ADK: variants seen among roughly 807,000 people sequenced by gnomAD.
The protein encoded by ADK is N6,N6-dimethyladenosine kinase.
Under a neutral mutation model 44.7 loss-of-function variants are expected in ADK, and 24 were observed. The observed-to-expected ratio is 0.54, with a 90% confidence interval of 0.39 to 0.76. The LOEUF (loss-of-function observed/expected upper bound fraction) is 0.76. Ranked by LOEUF, ADK falls within the 30% of genes least tolerant of loss-of-function variation. The pLI is 0.00. For synonymous variants in ADK, 128 were observed against 142.6 expected (o/e 0.90, Z 0.73); for missense variants, 321 against 425.1 (o/e 0.76, Z 2.15).
At chr10:74,614,722 G>A (rs919283795) in intron 9 of ADK, among the ~76,000 whole-genome samples, 12 of 151,166 alleles carry the variant, frequency 7.9e-5, no homozygotes, top group South Asian at 2.1e-4. Flanking sequence ...CCGGGCTCAC[G>A]TTGTATTTTC....
intron 3 of ADK, among the ~76,000 whole-genome samples, chr10:74,269,697 G>A (rs1352508896): frequency 2.6e-5 from 4 of 152,152 alleles, no homozygotes; most frequent in Non-Finnish European, 5.9e-5. Flanking sequence ...GGAGGCCAAG[G>A]CAGGCAGATC....
chr10:74,706,069 T>A (rs1371043601), intron 10 of ADK, among the ~76,000 whole-genome samples: 1 of 152,134 alleles, frequency 6.6e-6, no homozygotes, highest in Non-Finnish European at 1.5e-5. Flanking sequence ...TGTGGTAACT[T>A]ATACATGTAA....
In ADK at chr10:74,426,428, G is replaced by A. The variant is rs531180547; in HGVS notation, c.555+27849G>A. ...ACAATAGACTACTATGTTTATAAAA[G>A]CTATCTGTTTTTATAAATATATGGA... On this transcript the variant is annotated intron_variant, in intron 6 of 10. Coordinates refer to ENST00000539909, the MANE Select transcript of ADK (RefSeq NM_006721.4). Among the ~76,000 whole-genome samples, 17 of 152,236 alleles carry A rather than the reference G, an allele frequency of 1.1e-4. 1 individual carries two copies. The South Asian group carries it at 3.5e-3, about 32-fold the overall frequency.
intron 4 of ADK, among the ~76,000 whole-genome samples, chr10:74,375,779 G>A (rs1173422069): frequency 6.6e-6 from 1 of 152,144 alleles, no homozygotes; most frequent in Non-Finnish European, 1.5e-5. Context: ...CTTTGTAGTA[G>A]TTGGTGTATG....
chr10:74,260,572 C>T (rs938285931), intron 3 of ADK, among the ~76,000 whole-genome samples: 1 of 152,174 alleles, frequency 6.6e-6, no homozygotes, highest in Non-Finnish European at 1.5e-5. Context: ...TTTCTCAATG[C>T]TTTTGCTCTT....
At chr10:74,211,243 T>G (rs1843801721) in intron 2 of ADK, among the ~76,000 whole-genome samples, 1 of 152,190 alleles carries the variant, frequency 6.6e-6, no homozygotes, top group African/African-American at 2.4e-5. Context: ...TTCAACATTA[T>G]GTTTTGTATA....
chr10:74,328,065 T>C (rs909740579), intron 4 of ADK, among the ~76,000 whole-genome samples: 1 of 152,046 alleles, frequency 6.6e-6, no homozygotes, highest in African/African-American at 2.4e-5. Context: ...TGCACCACCT[T>C]GCTCAGGCAA....
At chr10:74,417,799 C>T (rs1056417662) in intron 6 of ADK, among the ~76,000 whole-genome samples, 1 of 151,256 alleles carries the variant, frequency 6.6e-6, no homozygotes, top group Non-Finnish European at 1.5e-5. Context: ...TTTCCATTCA[C>T]GAGCCCTGAC....
chr10:74,158,090 C>G (rs2132031463), intron 1 of ADK, among the ~76,000 whole-genome samples: 1 of 151,996 alleles, frequency 6.6e-6, no homozygotes, highest in Non-Finnish European at 1.5e-5. Context: ...GATTTTCTTG[C>G]TAATTATATT....
chr10:74,268,610 G>A (rs779824810), intron 3 of ADK, among the ~76,000 whole-genome samples: 27 of 152,082 alleles, frequency 1.8e-4, no homozygotes, highest in Non-Finnish European at 3.1e-4. Context: ...TGTAAGCATG[G>A]TTATTACCCA....
intron 10 of ADK, among the ~76,000 whole-genome samples, chr10:74,694,661 T>G (rs1172644813): frequency 6.6e-6 from 1 of 152,002 alleles, no homozygotes; most frequent in Non-Finnish European, 1.5e-5. Flanking sequence ...TTTCTATTTT[T>G]TGTAGATACA....
chr10:74,627,751 A>G (rs969633767), intron 9 of ADK, among the ~76,000 whole-genome samples: 2 of 151,432 alleles, frequency 1.3e-5, no homozygotes, highest in African/African-American at 4.9e-5. Flanking sequence ...TCCCACCTCA[A>G]CCTCCCCAGA....
intron 6 of ADK, among the ~76,000 whole-genome samples, chr10:74,471,541 T>A (rs1429876349): frequency 6.6e-6 from 1 of 152,140 alleles, no homozygotes; most frequent in Non-Finnish European, 1.5e-5. Context: ...TGCAAAAAAA[T>A]GTCATTGGGA....
In ADK at chr10:74,626,583, A is replaced by G. The variant is rs149435393; in HGVS notation, c.877+26090A>G. ...CTCCCAAAGTGCTGGGATTACAGGC[A>G]TGAGCCACTGCGCCTGGCCCAAGAG... On this transcript the variant is annotated intron_variant, in intron 9 of 10. Coordinates refer to ENST00000539909, the MANE Select transcript of ADK (RefSeq NM_006721.4). 3.0e-3 allele frequency among the ~76,000 whole-genome samples: 451 copies of G among 152,286 alleles called. 4 individuals carry two copies. Among genetic ancestry groups the G allele is most frequent in the East Asian group, 0.018 (95 of 5,182 alleles).
At chr10:74,562,699 A>T (rs185361767) in intron 7 of ADK, among the ~76,000 whole-genome samples, 1 of 152,218 alleles carries the variant, frequency 6.6e-6, no homozygotes, top group Admixed American at 6.5e-5. Flanking sequence ...TAGGTCCCTT[A>T]TCAAATCTGG....
At chr10:74,372,041 C>G in intron 4 of ADK, 1 of 765,064 alleles carries the variant, frequency 1.3e-6, no homozygotes, top group Non-Finnish European at 2.4e-6. Flanking sequence ...AGGGAGCTCA[C>G]TCAATGGGTT....
chr10:74,555,275 A>G (rs1850197620), intron 7 of ADK, among the ~76,000 whole-genome samples: 1 of 152,248 alleles, frequency 6.6e-6, no homozygotes, highest in African/African-American at 2.4e-5. Context: ...TAATAACAAT[A>G]ATAATATAAC....
At chr10:74,508,528 C>T (rs746118516) in intron 6 of ADK, 2 of 152,044 alleles carry the variant, frequency 1.3e-5, no homozygotes, top group Non-Finnish European at 2.9e-5. Flanking sequence ...ATTATTATTC[C>T]CATTTTACAG....
chr10:74,405,034 A>T (rs887996297), intron 6 of ADK, among the ~76,000 whole-genome samples: 1 of 152,130 alleles, frequency 6.6e-6, no homozygotes, highest in Non-Finnish European at 1.5e-5. Flanking sequence ...AAGTTGTCTC[A>T]TAGCTCACTG....
Sources: gnomAD v4.1 joint callset for allele counts (sites outside exome capture counted in the v4.1 genomes callset) on GRCh38, gnomAD v4.1.1 for gene constraint, MANE v1.5 for transcripts, NCBI Gene and HGNC (gene_info 2026-07-23, HGNC 2026-07-21) for gene names.